Variants in SLC29A4 observed in about 807,000 individuals in gnomAD.
SLC29A4 encodes equilibrative nucleoside transporter 4.
Under a neutral mutation model 43.9 loss-of-function variants are expected in SLC29A4, and 36 were observed. That is an observed-to-expected ratio of 0.82 (90% confidence interval 0.63 to 1.08). The LOEUF (loss-of-function observed/expected upper bound fraction) is 1.08. Among genes scored for constraint, SLC29A4 ranks in the 50% least tolerant of loss-of-function variants. The pLI, the probability that SLC29A4 is intolerant of heterozygous loss-of-function variation, is 0.00. For missense variants in SLC29A4, 869 were observed against 755.3 expected, an observed-to-expected ratio of 1.15 and a Z score of -1.77; for synonymous variants, 491 against 338.0, an observed-to-expected ratio of 1.45 and a Z score of -4.97.
intron 1 of SLC29A4, among the ~76,000 whole-genome samples, chr7:5,285,997 G>A (rs1415445245): frequency 1.3e-5 from 2 of 151,636 alleles, no homozygotes; most frequent in Admixed American, 6.6e-5. Flanking sequence ...GCAACAAAGC[G>A]AGACTCTGTC....
At chr7:5,297,661 C>T (rs549265187) in intron 7 of SLC29A4, among the ~76,000 whole-genome samples, 139 of 152,312 alleles carry the variant, frequency 9.1e-4, no homozygotes, top group Admixed American at 2.4e-3. Flanking sequence ...TCCCTAGAGT[C>T]GGGACGCCAG....
At position 5,287,870 on chromosome 7, in the gene SLC29A4, A is replaced by C; in HGVS notation, c.54A>C (p.Pro18=). 6.2e-7 allele frequency: 1 copy of C among 1,612,000 alleles called. No individual in the cohort carries two copies. The highest frequency in any genetic ancestry group is 2.2e-5 in the East Asian group (1 of 44,882). The change falls in exon 2 of 11, where the codon CCA becomes CCC. Residue 18 remains proline, a synonymous_variant. Coordinates refer to ENST00000396872, the MANE Select transcript of SLC29A4 (RefSeq NM_153247.4). The stretch of plus-strand genomic sequence containing the variant: ...AGGAGCCCAGCGTGGCAGGCACACC[A>C]GACCCGGGCGTAGTGATGAGCTTCA... ...RLEEPSVAGT[P]DPGVVMSFTF...
At chr7:5,288,202 A>T (rs1330850230) in intron 2 of SLC29A4, among the ~76,000 whole-genome samples, 25 of 151,682 alleles carry the variant, frequency 1.6e-4, no homozygotes, top group Admixed American at 1.6e-3. Context: ...GGCCCTGCCG[A>T]CAGCCCCAGG....
At position 5,299,549 on chromosome 7, in the gene SLC29A4, C is replaced by G. The variant is rs111952740; in HGVS notation, c.1209+122C>G. 9 of 1,139,734 alleles carry G rather than the reference C, an allele frequency of 7.9e-6. No homozygotes were observed. In the African/African-American group the frequency reaches 1.2e-4, roughly 16 times the overall value. The allele number at this position is 1,139,734 out of a possible 1,614,324, so 70.6% of individuals were successfully genotyped here. On this transcript the variant is annotated intron_variant, in intron 9 of 10. Transcript: ENST00000396872. ...GCATGTGGCTCCCAGGTGGAAAGGG[C>G]AAGAGCTGTGCAGTGGCGCCATCCT...
chr7:5,299,458 G>A (rs1785977748), intron 9 of SLC29A4, 31 bp downstream of exon 9: 6 of 1,595,138 alleles, frequency 3.8e-6, no homozygotes, highest in Non-Finnish European at 5.1e-6. Flanking sequence ...GGTGTCGGGG[G>A]ACGCCATGGG....
intron 5 of SLC29A4, among the ~76,000 whole-genome samples, chr7:5,292,422 T>A (rs6979687): frequency 0.18 from 27,528 of 152,018 alleles, 3,185 homozygotes; most frequent in East Asian, 0.54. Context: ...CCTTTCAAAC[T>A]TTTTTTGAAA....
chr7:5,298,626 T>C (rs1441158080), intron 7 of SLC29A4, among the ~76,000 whole-genome samples: 1 of 152,030 alleles, frequency 6.6e-6, no homozygotes, highest in African/African-American at 2.4e-5. Context: ...ACCCTGTGTC[T>C]ACAAAAAAGA....
At chr7:5,300,324 A>T in intron 9 of SLC29A4, 98 bp from the exon 10 acceptor site, 1 of 1,550,324 alleles carries the variant, frequency 6.5e-7, no homozygotes, top group Non-Finnish European at 8.7e-7. Context: ...CAGGCCCAGG[A>T]GTGTTTAGGG....
In SLC29A4 at chr7:5,304,682, C is replaced by G. The variant is rs1786391581; in HGVS notation, c.*1743C>G. ...GCACCACCACACCTGGCTAATTTGTCTTGTGGAGACCGGGTTTCACCATGT... is the reference window on the plus strand; with the variant it reads ...GCACCACCACACCTGGCTAATTTGTGTTGTGGAGACCGGGTTTCACCATGT... On this transcript the variant is annotated 3_prime_UTR_variant, in exon 11 of 11. Coordinates refer to ENST00000396872, the MANE Select transcript of SLC29A4 (RefSeq NM_153247.4). The G allele has an allele frequency of 6.6e-6, 1 of 151,896 alleles. No homozygotes were observed. Among genetic ancestry groups the G allele is most frequent in the Non-Finnish European group, 1.5e-5 (1 of 67,978 alleles). 9.4% of individuals were successfully genotyped at this position (151,896 alleles called of 1,614,324 possible). A position where few individuals can be genotyped will look rare whatever the true frequency, so the allele number is the denominator to read the frequency against.
At position 5,303,021 on chromosome 7, in the gene SLC29A4, CAG is replaced by C; in HGVS notation, c.*83_*84del. The C allele has an allele frequency of 6.7e-7, 1 of 1,492,004 alleles. No homozygotes were observed. The allele number at this position is 1,492,004 out of a possible 1,614,324, so 92.4% of individuals were successfully genotyped here. A position where few individuals can be genotyped will look rare whatever the true frequency, so the allele number is the denominator to read the frequency against. On this transcript the variant is annotated 3_prime_UTR_variant, in exon 11 of 11. Transcript: ENST00000396872. ...GAGGGCCCCTCCCCTGTCCCCACCT[CAG>C]TGCCTGCGGGGCCCTGAGCCTCCCC...
At chr7:5,298,618 C>G (rs1785884739) in intron 7 of SLC29A4, among the ~76,000 whole-genome samples, 1 of 152,056 alleles carries the variant, frequency 6.6e-6, no homozygotes, top group South Asian at 2.1e-4. Context: ...ATAGCAAGAC[C>G]CTGTGTCTAC....
rs554174912 is a variant in SLC29A4, at chr7:5,297,189, C to T, written c.873C>T (p.Asp291=). 12 of 1,587,478 alleles carry T rather than the reference C, an allele frequency of 7.6e-6. No homozygotes were observed. In the East Asian group the frequency reaches 2.5e-4, roughly 33 times the overall value. Residue 291 remains aspartate (D), a synonymous_variant, in exon 7 of 11, where the codon GAC becomes GAT. Transcript: ENST00000396872. ...TGCACCACGACGTTGTCGCCGGGGA[C>T]GTCCACTTCGTAAGTGCGCACCGCC... ...YRVHHDVVAG[D]VHFEHPAPAL... is the part of the protein sequence containing the mutation.
Position 5,303,123 on chromosome 7 carries a change from G to C in SLC29A4, c.*184G>C, listed in dbSNP as rs1273427039. On this transcript the variant is annotated 3_prime_UTR_variant, in exon 11 of 11. Coordinates refer to ENST00000396872, the MANE Select transcript of SLC29A4 (RefSeq NM_153247.4). ...ACTGAAGTTCTGCAAAGTCCTCCGA[G>C]GACCGGAACACGTTTCTGCGACCCG... is the stretch of plus-strand genomic sequence containing the variant. 1.7e-5 allele frequency: 12 copies of C among 712,644 alleles called. No individual in the cohort carries two copies. Among genetic ancestry groups the C allele is most frequent in the Non-Finnish European group, 2.0e-5 (9 of 440,042 alleles). The allele number at this position is 712,644 out of a possible 1,614,324, so 44.1% of individuals were successfully genotyped here.
Position 5,289,390 on chromosome 7 carries a change from G to GA in SLC29A4, c.170-1334dup, listed in dbSNP as rs200157964. 4.1e-3 allele frequency among the ~76,000 whole-genome samples: 623 copies of GA among 151,708 alleles called. 5 individuals are homozygous for GA. Among genetic ancestry groups the GA allele is most frequent in the African/African-American group, 0.014 (597 of 41,362 alleles). ...CCAGCCTGAGCAACGGCGAGACTCTGAAAAAAAAGAAAGAAAAAAGCAATT... is the reference window on the plus strand; with the variant it reads ...CCAGCCTGAGCAACGGCGAGACTCTGAAAAAAAAAGAAAGAAAAAAGCAATT... On this transcript the variant is annotated intron_variant, in intron 2 of 10. Coordinates refer to ENST00000396872, the MANE Select transcript of SLC29A4 (RefSeq NM_153247.4).
At chr7:5,300,295 G>C in intron 9 of SLC29A4, 127 bp from the exon 10 acceptor site, 1 of 1,394,824 alleles carries the variant, frequency 7.2e-7, no homozygotes, top group South Asian at 1.2e-5. Flanking sequence ...AGAAGGGCAG[G>C]GGTGCAGGCT....
Position 5,288,285 on chromosome 7 carries a change from AC to A in SLC29A4, c.169+303del, listed in dbSNP as rs1785086881. Among the ~76,000 whole-genome samples, 3 of 130,800 alleles carry A rather than the reference AC, an allele frequency of 2.3e-5. No homozygotes were observed. The Admixed American group carries it at 2.4e-4, about 11-fold the overall frequency. 85.8% of individuals were successfully genotyped at this position (130,800 alleles called of 152,430 possible). A position where few individuals can be genotyped will look rare whatever the true frequency, so the allele number is the denominator to read the frequency against. On this transcript the variant is annotated intron_variant, in intron 2 of 10. Coordinates refer to ENST00000396872, the MANE Select transcript of SLC29A4 (RefSeq NM_153247.4). The stretch of plus-strand genomic sequence containing the variant: ...TGAAGGGACCATGGCTCATGCGCTG[AC>A]CCGTACAGCTTCTTTTTTTTTTTTT...
intron 5 of SLC29A4, among the ~76,000 whole-genome samples, chr7:5,294,306 G>C (rs1785502244): frequency 6.6e-6 from 1 of 152,176 alleles, no homozygotes; most frequent in Non-Finnish European, 1.5e-5. Context: ...GGATTTGCTA[G>C]ACTCCAAGGT....
intron 9 of SLC29A4, among the ~76,000 whole-genome samples, chr7:5,300,054 A>T (rs11561877): frequency 0.19 from 28,145 of 152,032 alleles, 3,430 homozygotes; most frequent in East Asian, 0.54. Flanking sequence ...TCTGTCTCAA[A>T]AAAACAAGCA....
In SLC29A4 at chr7:5,288,048, C is replaced by T. The variant is rs375460307; in HGVS notation, c.169+63C>T. On this transcript the variant is annotated intron_variant, in intron 2 of 10. Coordinates refer to ENST00000396872, the MANE Select transcript of SLC29A4 (RefSeq NM_153247.4). Reference sequence around the variant, plus strand: ...AAAGCAGGCTGGGCTGTGTGACCCCCAGTGAAGCCTTGCGGTATCGGGGAG... The same window carrying T: ...AAAGCAGGCTGGGCTGTGTGACCCCTAGTGAAGCCTTGCGGTATCGGGGAG... 2.4e-4 allele frequency: 371 copies of T among 1,527,012 alleles called. 1 individual carries two copies. The highest frequency in any genetic ancestry group is 1.1e-3 in the East Asian group (46 of 43,204). The allele number at this position is 1,527,012 out of a possible 1,614,324, so 94.6% of individuals were successfully genotyped here. A position where few individuals can be genotyped will look rare whatever the true frequency, so the allele number is the denominator to read the frequency against.
Sources: allele counts gnomAD v4.1 joint callset (sites outside exome capture counted in the v4.1 genomes callset), GRCh38; gene constraint gnomAD v4.1.1; transcripts MANE v1.5; gene names NCBI Gene and HGNC (gene_info 2026-07-23, HGNC 2026-07-21).